Variants in RAPGEF4 observed in about 807,000 individuals in gnomAD.
The protein encoded by RAPGEF4 is Rap guanine nucleotide exchange factor 4, also known as RAP guanine-nucleotide-exchange factor (GEF) 4.
RAPGEF4 carries 66 observed loss-of-function variants against 147.9 expected under a neutral mutation model. That is an observed-to-expected ratio of 0.45 (90% CI 0.37 to 0.55). The LOEUF (loss-of-function observed/expected upper bound fraction) is 0.55. Ranked by LOEUF, RAPGEF4 falls within the 20% of genes least tolerant of loss-of-function variation. RAPGEF4 has a pLI of 0.00. For synonymous variants in RAPGEF4, 419 were observed against 442.7 expected, an observed-to-expected ratio of 0.95 and a Z score of 0.67; for missense variants, 1,071 against 1,257.3, an observed-to-expected ratio of 0.85 and a Z score of 2.24.
chr2:172,855,913 G>A (rs1693364845), intron 4 of RAPGEF4, among the ~76,000 whole-genome samples: 1 of 152,068 alleles, frequency 6.6e-6, no homozygotes, highest in Non-Finnish European at 1.5e-5. Flanking sequence ...GTTTGAATAT[G>A]ATGTGCCTTG....
chr2:172,760,763 G>C (rs1696239298), intron 1 of RAPGEF4, among the ~76,000 whole-genome samples: 1 of 151,462 alleles, frequency 6.6e-6, no homozygotes, highest in Non-Finnish European at 1.5e-5. Flanking sequence ...ACAGAATGGA[G>C]AAGATAGAGG....
chr2:172,872,227 G>C (rs185857477), intron 4 of RAPGEF4, among the ~76,000 whole-genome samples: 10 of 152,080 alleles, frequency 6.6e-5, no homozygotes, highest in Admixed American at 6.6e-4. Flanking sequence ...TTCTTTACTA[G>C]TTCTTTTAGC....
intron 1 of RAPGEF4, among the ~76,000 whole-genome samples, chr2:172,737,011 A>G (rs991742540): frequency 2.6e-5 from 4 of 152,254 alleles, no homozygotes; most frequent in East Asian, 1.9e-4. Context: ...AAAATTTTCA[A>G]TTAACAGATT....
chr2:172,976,610 T>C (rs1375891447), intron 10 of RAPGEF4, among the ~76,000 whole-genome samples: 2 of 152,216 alleles, frequency 1.3e-5, no homozygotes, highest in African/African-American at 4.8e-5. Context: ...ATTTATAATG[T>C]TGATTTCTCC....
chr2:172,917,914 T>C, intron 5 of RAPGEF4, 40 bp downstream of exon 5: 1 of 1,558,270 alleles, frequency 6.4e-7, no homozygotes, highest in Non-Finnish European at 8.8e-7. Flanking sequence ...TAAAAATTTG[T>C]CGTGTGGTAT....
chr2:172,938,512 T>C (rs557328537), intron 6 of RAPGEF4, among the ~76,000 whole-genome samples: 7 of 152,228 alleles, frequency 4.6e-5, no homozygotes, highest in Non-Finnish European at 8.8e-5. Flanking sequence ...CTGTGTGCAG[T>C]GTCCTTGCCT....
chr2:172,841,181 T>A (rs1250483398), intron 4 of RAPGEF4, among the ~76,000 whole-genome samples: 2 of 152,190 alleles, frequency 1.3e-5, no homozygotes, highest in African/African-American at 4.8e-5. Context: ...TGGGGGCAGA[T>A]CCCTCATGAA....
At chr2:172,871,609 G>A (rs1270489040) in intron 4 of RAPGEF4, among the ~76,000 whole-genome samples, 1 of 146,656 alleles carries the variant, frequency 6.8e-6, no homozygotes, top group African/African-American at 2.5e-5. Context: ...TATCTATTTT[G>A]ACCCAAAAAA....
intron 10 of RAPGEF4, among the ~76,000 whole-genome samples, chr2:172,971,573 G>C (rs530080480): frequency 2.0e-5 from 3 of 152,260 alleles, no homozygotes; most frequent in Admixed American, 6.5e-5. Context: ...AGTTGCCCTT[G>C]GGATTTTTCC....
chr2:172,917,984 T>C (rs1684260325), intron 5 of RAPGEF4, 110 bp downstream of exon 5: 3 of 927,764 alleles, frequency 3.2e-6, no homozygotes, highest in Non-Finnish European at 5.3e-6. Flanking sequence ...GTCTCCAGAC[T>C]CTTTTGTGGA....
chr2:172,833,570 T>C (rs1690607367), intron 4 of RAPGEF4, among the ~76,000 whole-genome samples: 1 of 152,234 alleles, frequency 6.6e-6, no homozygotes. Context: ...GCAGTTGTAC[T>C]GTTTTTGGTC....
rs1197324616 is a variant in RAPGEF4, at chr2:173,051,960, G to A, written c.*193G>A. On this transcript the variant is annotated 3_prime_UTR_variant, in exon 31 of 31. Transcript: ENST00000397081. ...GAAGGAATTATTTGACATGCCTAAA[G>A]CTTACACACTCTAGCTTAGGAATCC... The A allele has an allele frequency of 1.9e-6, 1 of 527,508 alleles. No individual in the cohort carries two copies. Among genetic ancestry groups the A allele is most frequent in the Non-Finnish European group, 3.3e-6 (1 of 307,098 alleles). 32.7% of individuals were successfully genotyped at this position (527,508 alleles called of 1,614,324 possible).
At chr2:172,761,632 A>T (rs1400519995) in intron 1 of RAPGEF4, among the ~76,000 whole-genome samples, 1 of 152,188 alleles carries the variant, frequency 6.6e-6, no homozygotes, top group Non-Finnish European at 1.5e-5. Flanking sequence ...ACAGAAAGGA[A>T]ATGAGAAAAG....
intron 6 of RAPGEF4, among the ~76,000 whole-genome samples, chr2:172,930,942 A>G (rs115925899): frequency 0.012 from 1,799 of 152,244 alleles, 32 homozygotes; most frequent in African/African-American, 0.039. Context: ...AAGGAAGACA[A>G]TAATTTTCTT....
chr2:172,897,143 G>A (rs1698561761), intron 4 of RAPGEF4, among the ~76,000 whole-genome samples: 1 of 152,106 alleles, frequency 6.6e-6, no homozygotes, highest in Admixed American at 6.5e-5. Flanking sequence ...TCCACTCAGT[G>A]TTTTCTCTTT....
chr2:172,785,471 G>A (rs2149521113), intron 1 of RAPGEF4, among the ~76,000 whole-genome samples: 1 of 152,240 alleles, frequency 6.6e-6, no homozygotes, highest in South Asian at 2.1e-4. Flanking sequence ...AAGCTCACAT[G>A]CATTATCTCA....
chr2:173,019,857 T>C (rs1695885229), intron 22 of RAPGEF4, among the ~76,000 whole-genome samples: 1 of 152,204 alleles, frequency 6.6e-6, no homozygotes, highest in Non-Finnish European at 1.5e-5. Flanking sequence ...TGTTAACTTC[T>C]TCCCCTTACA....
At chr2:172,848,096 A>T (rs1341093520) in intron 4 of RAPGEF4, among the ~76,000 whole-genome samples, 1 of 152,180 alleles carries the variant, frequency 6.6e-6, no homozygotes, top group Non-Finnish European at 1.5e-5. Context: ...GAAAGAAACT[A>T]CCTTGGGTTT....
At chr2:172,933,084 ATTC>A (rs1207207536) in intron 6 of RAPGEF4, among the ~76,000 whole-genome samples, 13 of 152,182 alleles carry the variant, frequency 8.5e-5, no homozygotes, top group African/African-American at 2.9e-4. Context: ...TAGCAGTTTC[ATTC>A]TTCTTCTTGG....
Sources: allele counts gnomAD v4.1 joint callset (sites outside exome capture counted in the v4.1 genomes callset), GRCh38; gene constraint gnomAD v4.1.1; transcripts MANE v1.5; gene names NCBI Gene and HGNC (gene_info 2026-07-23, HGNC 2026-07-21).